PKP4: variants seen among roughly 807,000 people sequenced by gnomAD.
The protein encoded by PKP4 is plakophilin-4.
A neutral mutation model predicts 145.1 loss-of-function variants in PKP4; 90 were observed. The ratio of observed to expected loss-of-function variants is 0.62; its 90% confidence interval spans 0.52 to 0.74. The LOEUF (loss-of-function observed/expected upper bound fraction) is 0.74, where lower values mean the gene tolerates loss of function less well. PKP4 is among the 30% of genes least tolerant of loss of function. PKP4 has a pLI of 0.00. For synonymous variants in PKP4, 563 were observed against 577.2 expected (o/e 0.98, Z 0.35); for missense variants, 1,340 against 1,482.7 (o/e 0.90, Z 1.58).
At chr2:158,624,019 A>C (rs1333215906) in intron 6 of PKP4, among the ~76,000 whole-genome samples, 1 of 152,232 alleles carries the variant, frequency 6.6e-6, no homozygotes, top group Non-Finnish European at 1.5e-5. Flanking sequence ...GCAATGGCAG[A>C]AATGTTCACT....
chr2:158,634,090 A>C lies in PKP4; in HGVS notation c.1363A>C (p.Arg455=). 1 of 1,610,116 alleles carries C rather than the reference A, an allele frequency of 6.2e-7. No homozygotes were observed. The highest frequency in any genetic ancestry group is 8.5e-7 in the Non-Finnish European group (1 of 1,176,292). Residue 455 remains arginine (R), a synonymous_variant, in exon 9 of 22, where the codon AGG becomes CGG. Coordinates refer to ENST00000389759, the MANE Select transcript of PKP4 (RefSeq NM_003628.6). ...TCTAGTAGGTATTGGAAATCTACAA[A>C]GGACATCCAGCCAACGAAGTACCCT... ...TGSVGIGNLQ[R]TSSQRSTLTY...
In PKP4 at chr2:158,678,583, T is replaced by A; in HGVS notation, c.3259T>A (p.Ser1087Thr). 6.2e-7 allele frequency: 1 copy of A among 1,607,302 alleles called. No individual in the cohort carries two copies. The highest frequency in any genetic ancestry group is 8.5e-7 in the Non-Finnish European group (1 of 1,173,772). The change falls in exon 21 of 22, where the codon TCC (serine) becomes ACC (threonine). Residue 1087 changes from serine to threonine, a missense_variant and splice_region_variant. By Grantham distance (58) the Ser-to-Thr change is moderately conservative. Coordinates refer to ENST00000389759, the MANE Select transcript of PKP4 (RefSeq NM_003628.6). ...TTTCATAAAATATTTTCTTACAGGCTCCAGCAAACCTTCACCAATTTACAT... is the reference window on the plus strand; with the variant it reads ...TTTCATAAAATATTTTCTTACAGGCACCAGCAAACCTTCACCAATTTACAT... ...DATHKGLYPGSSKPSPIYISS... is the reference protein window; with the variant it reads ...DATHKGLYPGTSKPSPIYISS...
In PKP4 at chr2:158,577,391, G is replaced by T. The variant is rs2047946112; in HGVS notation, c.245+8G>T. On this transcript the variant is annotated splice_region_variant and intron_variant, in intron 3 of 21. Transcript: ENST00000389759. ...AAGCATCGCCAGCACCAGGTACAGG[G>T]CCAATGGCTCCATCTTTATGCACAC... The T allele has an allele frequency of 1.3e-6, 2 of 1,560,374 alleles. No individual in the cohort carries two copies. Among genetic ancestry groups the T allele is most frequent in the Non-Finnish European group, 1.8e-6 (2 of 1,133,450 alleles).
At chr2:158,571,563 C>T (rs552400574) in intron 2 of PKP4, among the ~76,000 whole-genome samples, 80 of 152,114 alleles carry the variant, frequency 5.3e-4, no homozygotes, top group African/African-American at 1.9e-3. Flanking sequence ...GCAGTATTTT[C>T]GAGAAAGAAC....
Position 158,680,499 on chromosome 2 carries a change from A to G in PKP4, c.3401A>G (p.Gln1134Arg), listed in dbSNP as rs749491977. Residue 1134 changes from glutamine to arginine, a missense_variant, in exon 22 of 22, where the codon CAG becomes CGG. Transcript: ENST00000389759. ...KNFDAYRLYL[Q>R]SPHSYEDPYF... ...TTTGATGCATACAGATTGTATTTGC[A>G]GTCTCCTCATAGCTATGAAGATCCT... 31 of 1,613,570 alleles carry G rather than the reference A, an allele frequency of 1.9e-5. No homozygotes were observed. The highest frequency in any genetic ancestry group is 2.5e-5 in the Non-Finnish European group (30 of 1,179,446).
chr2:158,491,391 G>A (rs1046061677), intron 1 of PKP4, among the ~76,000 whole-genome samples: 1 of 152,074 alleles, frequency 6.6e-6, no homozygotes, highest in Non-Finnish European at 1.5e-5. Flanking sequence ...AACACTTAGC[G>A]TGGTTCAGTC....
intron 3 of PKP4, among the ~76,000 whole-genome samples, chr2:158,579,935 C>T (rs185298533): frequency 1.3e-4 from 19 of 151,972 alleles, no homozygotes; most frequent in South Asian, 4.2e-4. Flanking sequence ...TCAGTGTGTG[C>T]ATGTGGAGTA....
At chr2:158,508,869 A>G (rs561687350) in intron 1 of PKP4, among the ~76,000 whole-genome samples, 53 of 152,316 alleles carry the variant, frequency 3.5e-4, no homozygotes, top group African/African-American at 9.6e-4. Context: ...GTGGAAAGTC[A>G]TCTAACATGT....
intron 1 of PKP4, among the ~76,000 whole-genome samples, chr2:158,474,309 C>T (rs1380632027): frequency 1.3e-5 from 2 of 152,170 alleles, no homozygotes; most frequent in Non-Finnish European, 2.9e-5. Context: ...ATTTTGGGAT[C>T]CCTGAGGCTC....
chr2:158,615,671 G>A (rs932107657), intron 4 of PKP4, among the ~76,000 whole-genome samples: 1 of 152,104 alleles, frequency 6.6e-6, no homozygotes, highest in Non-Finnish European at 1.5e-5. Flanking sequence ...TTTAGTCATT[G>A]TGGAAATCAC....
At chr2:158,644,675 G>GAT (rs2054661199) in intron 11 of PKP4, among the ~76,000 whole-genome samples, 1 of 152,104 alleles carries the variant, frequency 6.6e-6, no homozygotes, top group South Asian at 2.1e-4. Flanking sequence ...GATTGATGTG[G>GAT]ATATATGCAC....
At chr2:158,591,974 C>A (rs1328147749) in intron 3 of PKP4, among the ~76,000 whole-genome samples, 1 of 152,108 alleles carries the variant, frequency 6.6e-6, no homozygotes, top group Non-Finnish European at 1.5e-5. Context: ...TTAAGGCAGT[C>A]TTGACCAACC....
chr2:158,490,547 T>A (rs778848396), intron 1 of PKP4, among the ~76,000 whole-genome samples: 25 of 152,194 alleles, frequency 1.6e-4, no homozygotes, highest in Non-Finnish European at 2.9e-4. Context: ...AGCTAATTTG[T>A]CATAGAGGAT....
At chr2:158,486,916 T>C (rs1694249022) in intron 1 of PKP4, among the ~76,000 whole-genome samples, 1 of 152,254 alleles carries the variant, frequency 6.6e-6, no homozygotes, top group Admixed American at 6.5e-5. Context: ...CTAGCCATTT[T>C]AGTTGTAATG....
intron 2 of PKP4, among the ~76,000 whole-genome samples, chr2:158,560,964 G>C (rs185910145): frequency 6.6e-6 from 1 of 152,186 alleles, no homozygotes; most frequent in Non-Finnish European, 1.5e-5. Context: ...AGGCTTACAA[G>C]TTGTTAAACT....
chr2:158,561,803 T>C (rs1430779198), intron 2 of PKP4, among the ~76,000 whole-genome samples: 2 of 152,120 alleles, frequency 1.3e-5, no homozygotes, highest in African/African-American at 4.8e-5. Flanking sequence ...CTTTTTTTTT[T>C]TTTAATTTAA....
chr2:158,529,047 A>C (rs1257114536), intron 1 of PKP4, among the ~76,000 whole-genome samples: 1 of 152,200 alleles, frequency 6.6e-6, no homozygotes, highest in Non-Finnish European at 1.5e-5. Flanking sequence ...CTTCTACACT[A>C]TCCCTCCTGC....
chr2:158,507,698 A>G (rs183982548), intron 1 of PKP4, among the ~76,000 whole-genome samples: 1 of 152,282 alleles, frequency 6.6e-6, no homozygotes, highest in Admixed American at 6.5e-5. Flanking sequence ...TGTCTTGCTC[A>G]AACTTATTTT....
chr2:158,678,302 AC>A (rs2058190804), intron 20 of PKP4, among the ~76,000 whole-genome samples: 1 of 152,188 alleles, frequency 6.6e-6, no homozygotes, highest in South Asian at 2.1e-4. Flanking sequence ...TTGAGCAGGA[AC>A]CTTTGCGCAT....
Sources: allele counts gnomAD v4.1 joint callset (sites outside exome capture counted in the v4.1 genomes callset), GRCh38; gene constraint gnomAD v4.1.1; transcripts MANE v1.5; gene names NCBI Gene and HGNC (gene_info 2026-07-23, HGNC 2026-07-21).